The following SGK3 variants were observed in gnomAD, a reference collection of about 807,000 sequenced individuals.
The protein encoded by SGK3 is serum/glucocorticoid regulated kinase family member 3.
SGK3 carries 47 observed loss-of-function variants against 68.5 expected under a neutral mutation model. That is an observed-to-expected ratio of 0.69 (90% CI 0.54 to 0.87). The LOEUF (loss-of-function observed/expected upper bound fraction) is 0.87. Among genes scored for constraint, SGK3 ranks in the 40% least tolerant of loss-of-function variants. SGK3 has a pLI of 0.00. For missense variants in SGK3, 479 were observed against 575.5 expected (o/e 0.83, Z 1.72); for synonymous variants, 181 against 189.1 (o/e 0.96, Z 0.35).
intron 8 of SGK3, 84 bp from the exon 9 acceptor site, chr8:66,835,679 G>C: frequency 7.2e-7 from 1 of 1,394,004 alleles, no homozygotes; most frequent in Non-Finnish European, 9.7e-7. Context: ...CAGAATTTAA[G>C]AAGTATTGAT....
Position 66,859,196 on chromosome 8 carries a change from G to A in SGK3, c.1321-215G>A, listed in dbSNP as rs1458885684. Among the ~76,000 whole-genome samples, 3 of 152,114 alleles carry A rather than the reference G, an allele frequency of 2.0e-5. No individual in the cohort carries two copies. The East Asian group carries it at 5.8e-4, about 29-fold the overall frequency. ...AAATACAAAAAGTTAGCTGGGCGTG[G>A]TAGGTGGGCGCCTGTAATCCCAGCT... On this transcript the variant is annotated intron_variant, in intron 16 of 16. Transcript: ENST00000521198.
At chr8:66,775,611 C>T (rs1585698384) in intron 1 of SGK3, 1 of 152,264 alleles carries the variant, frequency 6.6e-6, no homozygotes, top group African/African-American at 2.4e-5. Flanking sequence ...CCACACACAC[C>T]CCCTCTAAAT....
chr8:66,856,559 G>T (rs1810517107), intron 16 of SGK3, among the ~76,000 whole-genome samples: 1 of 152,108 alleles, frequency 6.6e-6, no homozygotes, highest in Non-Finnish European at 1.5e-5. Context: ...AAAATTTTTG[G>T]CTTTTGGAGC....
At chr8:66,766,759 T>G (rs1478570788) in intron 1 of SGK3, among the ~76,000 whole-genome samples, 2 of 152,234 alleles carry the variant, frequency 1.3e-5, no homozygotes, top group Non-Finnish European at 2.9e-5. Flanking sequence ...GTCCTCTTGA[T>G]AAATTGGCCC....
chr8:66,719,457 C>T (rs1257071864), intron 1 of SGK3, among the ~76,000 whole-genome samples: 3 of 151,948 alleles, frequency 2.0e-5, no homozygotes, highest in Non-Finnish European at 4.4e-5. Flanking sequence ...CTCCTGAGTA[C>T]TGGTATGTGC....
At chr8:66,759,788 G>A (rs919966623) in intron 1 of SGK3, among the ~76,000 whole-genome samples, 1 of 151,734 alleles carries the variant, frequency 6.6e-6, no homozygotes, top group African/African-American at 2.4e-5. Context: ...TCAGCCTCCC[G>A]AGTAACCAGG....
At chr8:66,749,183 C>G (rs1361752360) in intron 1 of SGK3, among the ~76,000 whole-genome samples, 1 of 152,156 alleles carries the variant, frequency 6.6e-6, no homozygotes, top group Non-Finnish European at 1.5e-5. Context: ...CAATATACGT[C>G]AAAATGGGCA....
rs1249073805 is a variant in SGK3 at position 66,723,104 on chromosome 8, TATATATATATATATATATATATA to T, written c.-122+10272_-122+10294del. Among the ~76,000 whole-genome samples the T allele has an allele frequency of 2.5e-3, 84 of 34,274 alleles. 1 individual carries two copies. Among genetic ancestry groups the T allele is most frequent in the Non-Finnish European group, 4.0e-3 (73 of 18,396 alleles). 22.5% of individuals were successfully genotyped at this position (34,274 alleles called of 152,430 possible). On this transcript the variant is annotated intron_variant, in intron 1 of 16. Transcript: ENST00000521198. ...AAGATTTTGTTCATATATATATATA[TATATATATATATATATATATATA>T]TATATTTTTTTTTTTTTTTTTTTTT...
At chr8:66,716,831 T>C (rs957534498) in intron 1 of SGK3, among the ~76,000 whole-genome samples, 36 of 152,188 alleles carry the variant, frequency 2.4e-4, no homozygotes, top group African/African-American at 8.4e-4. Context: ...AGTTACTTTG[T>C]ACCATCAAGT....
intron 2 of SGK3, among the ~76,000 whole-genome samples, chr8:66,795,772 T>G (rs938242040): frequency 6.6e-6 from 1 of 152,164 alleles, no homozygotes; most frequent in Admixed American, 6.6e-5. Context: ...ATTGCCTTAT[T>G]AGAGAGGCAT....
intron 1 of SGK3, among the ~76,000 whole-genome samples, chr8:66,781,507 C>T (rs1031703866): frequency 6.6e-5 from 10 of 152,232 alleles, no homozygotes; most frequent in Non-Finnish European, 8.8e-5. Context: ...AGCCACCATG[C>T]CTGGTTTATT....
intron 1 of SGK3, among the ~76,000 whole-genome samples, chr8:66,792,195 G>A (rs1191343231): frequency 6.6e-6 from 1 of 151,960 alleles, no homozygotes; most frequent in Non-Finnish European, 1.5e-5. Context: ...TGGGCGTGGT[G>A]GCACGTGCCC....
At chr8:66,787,384 G>A (rs935128243) in intron 1 of SGK3, among the ~76,000 whole-genome samples, 1 of 152,122 alleles carries the variant, frequency 6.6e-6, no homozygotes, top group Non-Finnish European at 1.5e-5. Flanking sequence ...GGTCTTTTAC[G>A]CTATCTCAAA....
At position 66,840,018 on chromosome 8, in the gene SGK3, C is replaced by A. The variant is rs778801923; in HGVS notation, c.757C>A (p.Gln253Lys). Reference sequence around the variant, plus strand: ...AATTTGACAGCTTTTTTTCCACTTACAAAGAGAACGGTCCTTTCCTGAGCA... The same window carrying A: ...AATTTGACAGCTTTTTTTCCACTTAAAAAGAGAACGGTCCTTTCCTGAGCA... ...VNGGELFFHL[Q>K]RERSFPEHRA... Residue 253 changes from glutamine (Q) to lysine (K), a missense_variant, in exon 11 of 17, where the codon CAA (glutamine) becomes AAA (lysine). Physicochemically the swap from Gln to Lys is moderately conservative, Grantham distance 53. Transcript: ENST00000521198. The A allele has an allele frequency of 1.9e-6, 3 of 1,611,716 alleles. No individual in the cohort carries two copies. Among genetic ancestry groups the A allele is most frequent in the East Asian group, 2.2e-5 (1 of 44,682 alleles).
At position 66,746,739 on chromosome 8, in the gene SGK3, T is replaced by C. The variant is rs1271969049; in HGVS notation, c.-122+33906T>C. Reference sequence around the variant, plus strand: ...CCTGGCTAATTTTTCTTAATTTTTTTTTTTAGAGACCAGGTCTCGCTATGT... The same window carrying C: ...CCTGGCTAATTTTTCTTAATTTTTTCTTTTAGAGACCAGGTCTCGCTATGT... On this transcript the variant is annotated intron_variant, in intron 1 of 16. Coordinates refer to ENST00000521198, the MANE Select transcript of SGK3 (RefSeq NM_001033578.3). Among the ~76,000 whole-genome samples, 3 of 152,060 alleles carry C rather than the reference T, an allele frequency of 2.0e-5. No individual in the cohort carries two copies. The East Asian group carries it at 5.8e-4, about 29-fold the overall frequency.
chr8:66,822,157 C>T (rs1808862111), intron 5 of SGK3, among the ~76,000 whole-genome samples: 1 of 151,300 alleles, frequency 6.6e-6, no homozygotes, highest in Non-Finnish European at 1.5e-5. Flanking sequence ...CATGAACTGC[C>T]TGTTTATATG....
At chr8:66,714,797 A>G (rs1198403867) in intron 1 of SGK3, among the ~76,000 whole-genome samples, 1 of 152,104 alleles carries the variant, frequency 6.6e-6, no homozygotes, top group East Asian at 1.9e-4. Flanking sequence ...ACCTGTTTTT[A>G]CAGATGAAGA....
At chr8:66,725,132 G>A (rs1767314361) in intron 1 of SGK3, among the ~76,000 whole-genome samples, 1 of 152,106 alleles carries the variant, frequency 6.6e-6, no homozygotes, top group African/African-American at 2.4e-5. Flanking sequence ...AGGAGGGTGA[G>A]GCAGGAGAAT....
rs779918683 is a variant in SGK3, at chr8:66,831,285, G to C, written c.499G>C (p.Val167Leu). 1.2e-6 allele frequency: 2 copies of C among 1,613,862 alleles called. No homozygotes were observed. The highest frequency in any genetic ancestry group is 3.3e-5 in the Admixed American group (2 of 59,988). ...AKPTDFDFLK[V>L]IGKGSFGKVL... ...ACCAACTGACTTTGATTTCTTAAAA[G>C]TTATTGGAAAAGGCAGCTTTGGCAA... Residue 167 changes from valine to leucine, a missense_variant, in exon 8 of 17, where the codon GTT becomes CTT. Physicochemically the swap from Val to Leu is conservative, Grantham distance 32 (BLOSUM62 1). This residue lies in a region of SGK3 where 298 missense variants were observed against 329.4 expected (regional missense o/e 0.90). Transcript: ENST00000521198.
Sources: gnomAD v4.1 joint callset for allele counts (sites outside exome capture counted in the v4.1 genomes callset) on GRCh38, gnomAD v4.1.1 for gene constraint, gnomAD v4.1.1 regional missense constraint, MANE v1.5 for transcripts, NCBI Gene and HGNC (gene_info 2026-07-23, HGNC 2026-07-21) for gene names.